The following VAT1L variants were observed in gnomAD, a reference collection of about 807,000 sequenced individuals.
VAT1L encodes vesicle amine transport 1 like, also known as putative NADPH-dependent quinone oxidoreductase VAT1L.
A neutral mutation model predicts 44.1 loss-of-function variants in VAT1L; 34 were observed. The observed-to-expected ratio is 0.77, with a 90% CI of 0.59 to 1.03. The LOEUF (loss-of-function observed/expected upper bound fraction) is 1.03, where lower values mean the gene tolerates loss of function less well. VAT1L is among the 50% of genes least tolerant of loss of function. The probability of loss-of-function intolerance (pLI) is 0.00; values close to 1 mark genes in which losing one functional copy is unlikely to be tolerated. For missense variants in VAT1L, 615 were observed against 538.8 expected (o/e 1.14, Z -1.40); for synonymous variants, 253 against 202.2 (o/e 1.25, Z -2.13).
At chr16:77,826,657 C>G (rs984945121) in intron 3 of VAT1L, among the ~76,000 whole-genome samples, 1 of 152,044 alleles carries the variant, frequency 6.6e-6, no homozygotes, top group South Asian at 2.1e-4. Context: ...TATTGCATGC[C>G]TGCTACATGG....
chr16:77,816,102 T>C lies in VAT1L; in HGVS notation c.234-819T>C. On this transcript the variant is annotated intron_variant, in intron 1 of 8. Coordinates refer to ENST00000302536, the MANE Select transcript of VAT1L (RefSeq NM_020927.3). Reference sequence around the variant, plus strand: ...ATTCCCAAGAGCAGTTCTGATAAAATAAAAAGAGTCCAGGAGCATTGCTAA... The same window carrying C: ...ATTCCCAAGAGCAGTTCTGATAAAACAAAAAGAGTCCAGGAGCATTGCTAA... Among the ~76,000 whole-genome samples, 3 of 150,370 alleles carry C rather than the reference T, an allele frequency of 2.0e-5. No homozygotes were observed. In the Middle Eastern group the frequency reaches 0.01, roughly 519 times the overall value.
At chr16:77,911,941 G>C (rs1055872204) in intron 7 of VAT1L, among the ~76,000 whole-genome samples, 1 of 152,142 alleles carries the variant, frequency 6.6e-6, no homozygotes, top group African/African-American at 2.4e-5. Flanking sequence ...GGTATGTTAG[G>C]TTGATTTATG....
At chr16:77,947,215 G>A (rs1366760983) in intron 7 of VAT1L, among the ~76,000 whole-genome samples, 2 of 152,152 alleles carry the variant, frequency 1.3e-5, no homozygotes, top group East Asian at 3.9e-4. Context: ...GGATTCCAGC[G>A]CTCACAAGAC....
chr16:77,789,610 T>G (rs571677410), intron 1 of VAT1L, among the ~76,000 whole-genome samples: 1 of 152,076 alleles, frequency 6.6e-6, no homozygotes, highest in African/African-American at 2.4e-5. Context: ...GTCGGTACCT[T>G]GCACCCAGGC....
intron 1 of VAT1L, among the ~76,000 whole-genome samples, chr16:77,803,417 C>CTTTTTTTT (rs11379202): frequency 9.5e-6 from 1 of 105,504 alleles, no homozygotes; most frequent in African/African-American, 3.7e-5. Flanking sequence ...ACTAGACATT[C>CTTTTTTTT]TTTTTTTTTT....
At chr16:77,791,497 C>A (rs1490228331) in intron 1 of VAT1L, among the ~76,000 whole-genome samples, 1 of 152,100 alleles carries the variant, frequency 6.6e-6, no homozygotes, top group African/African-American at 2.4e-5. Flanking sequence ...TCCTACAGAA[C>A]AGAAGAGCAA....
At chr16:77,813,093 A>T (rs1485320118) in intron 1 of VAT1L, among the ~76,000 whole-genome samples, 2 of 152,058 alleles carry the variant, frequency 1.3e-5, no homozygotes, top group Non-Finnish European at 2.9e-5. Flanking sequence ...TAAGAATCAG[A>T]TTACCTTAGA....
intron 7 of VAT1L, among the ~76,000 whole-genome samples, chr16:77,941,599 CT>C (rs530933841): frequency 6.6e-6 from 1 of 152,098 alleles, no homozygotes; most frequent in African/African-American, 2.4e-5. Flanking sequence ...GCCACACTGC[CT>C]TTTTTTGAGA....
intron 7 of VAT1L, among the ~76,000 whole-genome samples, chr16:77,964,680 G>C (rs142935401): frequency 2.8e-4 from 42 of 150,902 alleles, no homozygotes; most frequent in African/African-American, 1.0e-3. Context: ...AGGTCATTCT[G>C]TCTGCTTTCC....
chr16:77,901,493 G>C (rs906061973), intron 7 of VAT1L, among the ~76,000 whole-genome samples: 9 of 152,052 alleles, frequency 5.9e-5, no homozygotes, highest in Non-Finnish European at 1.2e-4. Context: ...AGTATTTAAT[G>C]CATTTTTTGC....
At chr16:77,954,464 A>T (rs1314840643) in intron 7 of VAT1L, among the ~76,000 whole-genome samples, 1 of 152,166 alleles carries the variant, frequency 6.6e-6, no homozygotes, top group East Asian at 1.9e-4. Flanking sequence ...GTCTCTACTA[A>T]AACTATAAAA....
intron 7 of VAT1L, among the ~76,000 whole-genome samples, chr16:77,954,558 G>C (rs9930294): frequency 2.0e-5 from 3 of 152,156 alleles, no homozygotes; most frequent in East Asian, 3.9e-4. Flanking sequence ...CCGGGAGGCA[G>C]AGGTTGCAAT....
chr16:77,811,760 A>G (rs1172999687), intron 1 of VAT1L, among the ~76,000 whole-genome samples: 1 of 152,208 alleles, frequency 6.6e-6, no homozygotes, highest in African/African-American at 2.4e-5. Context: ...GGTGATATTC[A>G]TCACTTACTA....
chr16:77,904,045 T>C (rs1197054968), intron 7 of VAT1L, among the ~76,000 whole-genome samples: 1 of 152,068 alleles, frequency 6.6e-6, no homozygotes, highest in Non-Finnish European at 1.5e-5. Flanking sequence ...CCTCTGTCAT[T>C]ACTTTTAACG....
At chr16:77,838,168 T>C (rs905917946) in intron 3 of VAT1L, among the ~76,000 whole-genome samples, 1 of 152,222 alleles carries the variant, frequency 6.6e-6, no homozygotes, top group Non-Finnish European at 1.5e-5. Context: ...CTTGGATACA[T>C]GCTGAGAACT....
chr16:77,822,986 T>C (rs374449749), intron 2 of VAT1L, among the ~76,000 whole-genome samples: 15 of 152,156 alleles, frequency 9.9e-5, no homozygotes, highest in African/African-American at 3.4e-4. Flanking sequence ...CTCATTCACC[T>C]GAACTCCTCA....
chr16:77,840,266 G>GGGGAGGCA (rs1282482476), intron 3 of VAT1L, among the ~76,000 whole-genome samples: 1 of 152,182 alleles, frequency 6.6e-6, no homozygotes. Flanking sequence ...CATATTAGGT[G>GGGGAGGCA]GGGAGGCAGG....
intron 8 of VAT1L, among the ~76,000 whole-genome samples, chr16:77,976,987 G>A (rs2018347635): frequency 6.6e-6 from 1 of 152,194 alleles, no homozygotes; most frequent in African/African-American, 2.4e-5. Context: ...TTCAACCCTG[G>A]GGACTCTGTG....
intron 7 of VAT1L, among the ~76,000 whole-genome samples, chr16:77,900,677 AGAGT>A (rs914509400): frequency 2.0e-5 from 3 of 148,964 alleles, no homozygotes; most frequent in African/African-American, 7.4e-5. Context: ...CCTCAGCAGC[AGAGT>A]GAGACTGTGT....
Sources: allele counts gnomAD v4.1 joint callset (sites outside exome capture counted in the v4.1 genomes callset), GRCh38; gene constraint gnomAD v4.1.1; transcripts MANE v1.5; gene names NCBI Gene and HGNC (gene_info 2026-07-23, HGNC 2026-07-21).